LDAH: variants seen among roughly 807,000 people sequenced by gnomAD.
The protein encoded by LDAH is lipid droplet associated hydrolase, also known as lipid droplet-associated hydrolase.
A neutral mutation model predicts 29.6 loss-of-function variants in LDAH; 26 were observed. The observed-to-expected ratio is 0.88, with a 90% CI of 0.64 to 1.22. The LOEUF is 1.22. LDAH is among the 50% of genes most tolerant of loss of function. The pLI is 0.00. For synonymous variants in LDAH, 117 were observed against 133.0 expected (o/e 0.88, Z 0.83); for missense variants, 344 against 387.3 (o/e 0.89, Z 0.94).
At chr2:20,776,502 T>C (rs977492725) in intron 3 of LDAH, among the ~76,000 whole-genome samples, 1 of 152,202 alleles carries the variant, frequency 6.6e-6, no homozygotes, top group Non-Finnish European at 1.5e-5. Context: ...CTTGACTCAA[T>C]GAGGCTTACT....
chr2:20,807,414 T>C (rs1455410557), intron 1 of LDAH, among the ~76,000 whole-genome samples: 1 of 152,126 alleles, frequency 6.6e-6, no homozygotes, highest in African/African-American at 2.4e-5. Flanking sequence ...ATGTACATTA[T>C]AATTAAGGTT....
intron 3 of LDAH, chr2:20,789,174 G>A: frequency 6.4e-7 from 1 of 1,550,510 alleles, no homozygotes; most frequent in Non-Finnish European, 8.7e-7. Context: ...ATGCTTATAT[G>A]GCCCCCAAAT....
chr2:20,807,558 T>G (rs900886956), intron 1 of LDAH, among the ~76,000 whole-genome samples: 5 of 152,114 alleles, frequency 3.3e-5, no homozygotes, highest in African/African-American at 1.2e-4. Context: ...TTAATCAGTT[T>G]AAGTTACCAC....
chr2:20,739,889 A>G (rs917144841), intron 5 of LDAH, 82 bp downstream of exon 5: 3 of 965,294 alleles, frequency 3.1e-6, no homozygotes, highest in African/African-American at 1.6e-5. Context: ...TGCTTGCTTG[A>G]TATTTGTCCA....
intron 4 of LDAH, among the ~76,000 whole-genome samples, chr2:20,745,295 T>C (rs1382000470): frequency 6.6e-6 from 1 of 152,212 alleles, no homozygotes; most frequent in African/African-American, 2.4e-5. Flanking sequence ...AAGATTTCTA[T>C]TTCTCCATAT....
intron 1 of LDAH, among the ~76,000 whole-genome samples, chr2:20,810,736 A>T (rs1281690908): frequency 6.6e-6 from 1 of 152,224 alleles, no homozygotes; most frequent in Non-Finnish European, 1.5e-5. Context: ...ACTGGTTAGG[A>T]ACCAGGCCAC....
intron 4 of LDAH, among the ~76,000 whole-genome samples, chr2:20,769,048 C>T (rs918269691): frequency 6.6e-6 from 1 of 152,114 alleles, no homozygotes; most frequent in Non-Finnish European, 1.5e-5. Context: ...ATCTCATGCC[C>T]GATCGACCCC....
intron 6 of LDAH, among the ~76,000 whole-genome samples, chr2:20,699,090 T>C (rs1165785949): frequency 1.3e-5 from 2 of 152,184 alleles, no homozygotes; most frequent in Non-Finnish European, 1.5e-5. Context: ...TCTGGCTGGA[T>C]GGCACAAAGA....
intron 3 of LDAH, among the ~76,000 whole-genome samples, chr2:20,779,064 T>C (rs1019957647): frequency 6.6e-6 from 1 of 152,100 alleles, no homozygotes; most frequent in Non-Finnish European, 1.5e-5. Context: ...ATGCCTTTGG[T>C]AGGACTGAGT....
At chr2:20,739,915 G>A (rs1243673007) in intron 5 of LDAH, 56 bp downstream of exon 5, 45 of 1,348,800 alleles carry the variant, frequency 3.3e-5, no homozygotes, top group Non-Finnish European at 4.6e-5. Flanking sequence ...AGAGAGTATT[G>A]TGTAAACATT....
intron 1 of LDAH, among the ~76,000 whole-genome samples, chr2:20,818,493 A>G (rs1263033946): frequency 6.6e-6 from 1 of 152,108 alleles, no homozygotes; most frequent in Admixed American, 6.5e-5. Flanking sequence ...CTTTCTCCAG[A>G]ATAACATGTA....
At chr2:20,746,787 C>G (rs979782333) in intron 4 of LDAH, among the ~76,000 whole-genome samples, 1 of 152,008 alleles carries the variant, frequency 6.6e-6, no homozygotes, top group African/African-American at 2.4e-5. Context: ...TCTTATGTTA[C>G]TATCTCATTA....
intron 3 of LDAH, among the ~76,000 whole-genome samples, chr2:20,781,835 A>G (rs1208431928): frequency 6.6e-6 from 1 of 152,214 alleles, no homozygotes; most frequent in African/African-American, 2.4e-5. Context: ...CTTTGGCGCT[A>G]TGGTGGCCCT....
intron 1 of LDAH, among the ~76,000 whole-genome samples, chr2:20,805,513 G>C (rs921768556): frequency 6.6e-6 from 1 of 152,186 alleles, no homozygotes; most frequent in African/African-American, 2.4e-5. Context: ...ACAAAGGAGA[G>C]TACGTTGTAA....
intron 6 of LDAH, among the ~76,000 whole-genome samples, chr2:20,687,741 A>G (rs1179445482): frequency 6.6e-6 from 1 of 152,208 alleles, no homozygotes; most frequent in African/African-American, 2.4e-5. Context: ...CCCTGAATGG[A>G]TATCTACCTA....
chr2:20,764,031 A>G (rs1668860340), intron 4 of LDAH, among the ~76,000 whole-genome samples: 1 of 152,210 alleles, frequency 6.6e-6, no homozygotes, highest in South Asian at 2.1e-4. Flanking sequence ...AAAAGATGAA[A>G]AAAGCCCACA....
intron 3 of LDAH, among the ~76,000 whole-genome samples, chr2:20,787,314 GAC>G (rs934820659): frequency 9.6e-5 from 14 of 145,128 alleles, no homozygotes; most frequent in Non-Finnish European, 1.9e-4. Context: ...TCTTTTTTGA[GAC>G]ACAGTCTCAT....
chr2:20,801,178 G>T (rs993620428), intron 2 of LDAH, 132 bp downstream of exon 2: 1 of 886,590 alleles, frequency 1.1e-6, no homozygotes, highest in Non-Finnish European at 1.7e-6. Context: ...AAGGGTGGTT[G>T]TTAACAATGG....
At chr2:20,783,795 T>C (rs1271785556) in intron 3 of LDAH, among the ~76,000 whole-genome samples, 1 of 152,210 alleles carries the variant, frequency 6.6e-6, no homozygotes, top group African/African-American at 2.4e-5. Flanking sequence ...CACTGCAGCC[T>C]CAACCTCCCG....
Sources: gnomAD v4.1 joint callset for allele counts (sites outside exome capture counted in the v4.1 genomes callset) on GRCh38, gnomAD v4.1.1 for gene constraint, MANE v1.5 for transcripts, NCBI Gene and HGNC (gene_info 2026-07-23, HGNC 2026-07-21) for gene names.